The following BYSL variants were observed in gnomAD, a reference collection of about 807,000 sequenced individuals.
BYSL encodes the protein bystin like, also known as bystin.
Under a neutral mutation model 45.4 loss-of-function variants are expected in BYSL, and 21 were observed. That is an observed-to-expected ratio of 0.46 (90% CI 0.33 to 0.67). The LOEUF (loss-of-function observed/expected upper bound fraction) is 0.67. BYSL is among the 30% of genes least tolerant of loss of function. The probability of loss-of-function intolerance (pLI) is 0.02; values close to 1 mark genes in which losing one functional copy is unlikely to be tolerated. For missense variants in BYSL, 522 were observed against 578.5 expected, an observed-to-expected ratio of 0.90 and a Z score of 1.00; for synonymous variants, 215 against 231.3, an observed-to-expected ratio of 0.93 and a Z score of 0.64.
chr6:41,928,555 A>G lies in BYSL; in HGVS notation c.431+1019A>G, dbSNP rs185348305. On this transcript the variant is annotated intron_variant, in intron 2 of 6. Transcript: ENST00000230340. Reference sequence around the variant, plus strand: ...TGATAATGCTGACCAATTTAGCAGAATGCTTTTCCAGCTTGTAGTAAATAG... The same window carrying G: ...TGATAATGCTGACCAATTTAGCAGAGTGCTTTTCCAGCTTGTAGTAAATAG... Among the ~76,000 whole-genome samples the G allele has an allele frequency of 5.7e-4, 87 of 152,338 alleles. 1 individual carries two copies. The highest frequency in any genetic ancestry group is 6.8e-3 in the Middle Eastern group (2 of 294).
In BYSL at chr6:41,921,530, G is replaced by T; in HGVS notation, c.-33G>T. The T allele has an allele frequency of 1.3e-6, 2 of 1,547,604 alleles. No homozygotes were observed. The highest frequency in any genetic ancestry group is 1.7e-6 in the Non-Finnish European group (2 of 1,145,622). The stretch of plus-strand genomic sequence containing the variant: ...ATCCTGGCCTTTCTTCAGTCCCCAC[G>T]TGCGATCCTTCCCGGCAACTTTTTC... On this transcript the variant is annotated 5_prime_UTR_variant, in exon 1 of 7. Transcript: ENST00000230340.
intron 4 of BYSL, 69 bp from the exon 5 acceptor site, chr6:41,931,327 G>A: frequency 1.3e-6 from 2 of 1,560,040 alleles, no homozygotes; most frequent in Non-Finnish European, 1.8e-6. Context: ...ACTATCCATG[G>A]TGATATTTAA....
At chr6:41,908,976 A>G in the BYSL span, 1 of 434,086 alleles carries the variant, frequency 2.3e-6, no homozygotes, top group Non-Finnish European at 4.1e-6. Context: ...TGAGCCCAGG[A>G]GTCTGAGATC....
In BYSL at chr6:41,932,946, C is replaced by A; in HGVS notation, c.*240C>A. On this transcript the variant is annotated 3_prime_UTR_variant, in exon 7 of 7. Transcript: ENST00000230340. This position sits in a 1 kb window ranked among gnomAD's most constrained non-coding sequence, Gnocchi z 4.7. ...GAGAGCCAACTTGAGATACCATATG[C>A]TAGCATTCCCAGTCCCCAGCTGGGG... The A allele has an allele frequency of 3.8e-6, 2 of 523,380 alleles. No homozygotes were observed. Among genetic ancestry groups the A allele is most frequent in the Non-Finnish European group, 3.4e-6 (1 of 294,352 alleles). 32.4% of individuals were successfully genotyped at this position (523,380 alleles called of 1,614,324 possible).
At chr6:41,926,441 TA>T (rs900254512) in intron 1 of BYSL, among the ~76,000 whole-genome samples, 5 of 152,026 alleles carry the variant, frequency 3.3e-5, no homozygotes, top group African/African-American at 9.7e-5. Flanking sequence ...AGGTTTATTT[TA>T]TTTTTTTTAA....
chr6:41,917,033 C>A, upstream of BYSL: 2 of 1,328,930 alleles, frequency 1.5e-6, no homozygotes, highest in Non-Finnish European at 2.1e-6. Context: ...CTCATCAGGG[C>A]CAAAAGTTAT....
upstream of BYSL, chr6:41,917,981 T>G (rs182967298): frequency 1.8e-5 from 5 of 274,578 alleles, no homozygotes; most frequent in Admixed American, 2.2e-4. Flanking sequence ...GGCAACAGTA[T>G]TCACGAAAAT....
intron 2 of BYSL, among the ~76,000 whole-genome samples, chr6:41,929,428 A>G (rs1338604950): frequency 1.3e-5 from 2 of 152,156 alleles, no homozygotes; most frequent in Non-Finnish European, 2.9e-5. Flanking sequence ...AGCCAGAGAG[A>G]TAGAGGCTGC....
At chr6:41,916,872 A>G (rs201163704), upstream of BYSL, 69 of 1,613,790 alleles carry the variant, frequency 4.3e-5, no homozygotes, top group Non-Finnish European at 3.8e-5. Flanking sequence ...AGCATCTCCA[A>G]TTTCCGGGTA....
At chr6:41,926,816 C>T (rs1385447461) in intron 1 of BYSL, among the ~76,000 whole-genome samples, 2 of 150,886 alleles carry the variant, frequency 1.3e-5, no homozygotes, top group African/African-American at 2.4e-5. Context: ...TTCTACAGGC[C>T]GGGAACAGTG....
the BYSL span, chr6:41,909,337 ACTGGTAC>A: frequency 6.2e-7 from 1 of 1,614,098 alleles, no homozygotes. Flanking sequence ...AAGTCACAGT[ACTGGTAC>A]CTGGTGCCCC....
In BYSL at chr6:41,931,688, C is replaced by T. The variant is rs199704592; in HGVS notation, c.866-40C>T. ...GCTTCCTGCTGTAACTCCTTTTTCT[C>T]ATCCTGGGCTCACAGTGGCTGCCCT... On this transcript the variant is annotated intron_variant, in intron 5 of 6. Coordinates refer to ENST00000230340, the MANE Select transcript of BYSL (RefSeq NM_004053.4). The T allele has an allele frequency of 1.2e-4, 190 of 1,607,822 alleles. 2 individuals carry two copies. The East Asian group carries it at 1.7e-3, about 15-fold the overall frequency.
the BYSL span, among the ~76,000 whole-genome samples, chr6:41,914,599 G>A: frequency 6.0e-5 from 9 of 149,742 alleles, no homozygotes; most frequent in Non-Finnish European, 3.0e-5. Context: ...AGACAAACAA[G>A]TTCCCTAACT....
chr6:41,927,713 C>A, intron 2 of BYSL, 177 bp downstream of exon 2: 1 of 681,680 alleles, frequency 1.5e-6, no homozygotes, highest in Non-Finnish European at 2.4e-6. Flanking sequence ...AGGAATGACC[C>A]AGCCTCAAAA....
At chr6:41,928,062 A>G (rs1161712520) in intron 2 of BYSL, among the ~76,000 whole-genome samples, 1 of 152,160 alleles carries the variant, frequency 6.6e-6, no homozygotes, top group African/African-American at 2.4e-5. Context: ...AAAACCAAAA[A>G]TGACATCAGA....
chr6:41,921,953 A>G lies in BYSL; in HGVS notation c.268+123A>G, dbSNP rs902172755. 2.2e-6 allele frequency: 3 copies of G among 1,358,644 alleles called. No individual in the cohort carries two copies. The South Asian group carries it at 4.5e-5, about 20-fold the overall frequency. 84.2% of individuals were successfully genotyped at this position (1,358,644 alleles called of 1,614,324 possible). A position where few individuals can be genotyped will look rare whatever the true frequency, so the allele number is the denominator to read the frequency against. On this transcript the variant is annotated intron_variant, in intron 1 of 6. Coordinates refer to ENST00000230340, the MANE Select transcript of BYSL (RefSeq NM_004053.4). ...CAAAGGGGTCCGTATTACACTTGCA[A>G]AGGAGACTGAACCCTGTCTAGAGCC...
Position 41,932,090 on chromosome 6 carries a change from G to A in BYSL, c.968+260G>A, listed in dbSNP as rs553627424. ...AACACAGGAAGAAAGTAGTTAGGGT[G>A]GAGACGTTGAGATGTTTGGACCATA... On this transcript the variant is annotated intron_variant, in intron 6 of 6. Coordinates refer to ENST00000230340, the MANE Select transcript of BYSL (RefSeq NM_004053.4). The surrounding 1 kb of genome is among the most constrained non-coding windows in gnomAD (Gnocchi z 4.7). 6.6e-6 allele frequency among the ~76,000 whole-genome samples: 1 copy of A among 152,272 alleles called. No homozygotes were observed. The highest frequency in any genetic ancestry group is 1.9e-4 in the East Asian group (1 of 5,180).
At chr6:41,917,221 G>A (rs1775336877), upstream of BYSL, among the ~76,000 whole-genome samples, 1 of 152,090 alleles carries the variant, frequency 6.6e-6, no homozygotes. Context: ...CCAACATGGT[G>A]AAACCCCGTC....
At chr6:41,916,725 C>T (rs1775323655), upstream of BYSL, 2 of 1,588,064 alleles carry the variant, frequency 1.3e-6, no homozygotes, top group South Asian at 2.2e-5. Flanking sequence ...CTTCAATTAA[C>T]TCAAATGTCT....
Sources: allele counts gnomAD v4.1 joint callset (sites outside exome capture counted in the v4.1 genomes callset), GRCh38; gene constraint gnomAD v4.1.1; non-coding constraint Gnocchi (gnomAD v3.1); transcripts MANE v1.5; gene names NCBI Gene and HGNC (gene_info 2026-07-23, HGNC 2026-07-21).